PRKG2: variants seen among roughly 807,000 people sequenced by gnomAD.
PRKG2 encodes the protein protein kinase cGMP-dependent 2.
Under a neutral mutation model 97.2 loss-of-function variants are expected in PRKG2, and 33 were observed. That is an observed-to-expected ratio of 0.34 (90% CI 0.26 to 0.45). PRKG2 has a LOEUF of 0.45. Ranked by LOEUF, PRKG2 falls within the 20% of genes least tolerant of loss-of-function variation. The probability of loss-of-function intolerance (pLI) is 1.00; values close to 1 mark genes in which losing one functional copy is unlikely to be tolerated. For synonymous variants in PRKG2, 330 were observed against 321.8 expected, an observed-to-expected ratio of 1.03 and a Z score of -0.27; for missense variants, 638 against 900.0, an observed-to-expected ratio of 0.71 and a Z score of 3.73.
chr4:81,214,360 C>CT (rs1560635077), intron 1 of PRKG2, among the ~76,000 whole-genome samples: 3 of 151,936 alleles, frequency 2.0e-5, no homozygotes, highest in African/African-American at 7.3e-5. Context: ...GAACCTATTT[C>CT]TTTTTTTCTC....
At position 81,180,419 on chromosome 4, in the gene PRKG2, T is replaced by C. The variant is rs546135414; in HGVS notation, c.462-5460A>G. ...AGATACATGCCTTAAAGATAATGTA[T>C]GGAAAGGCTGAAAATAAAAAAGTGG... On this transcript the variant is annotated intron_variant, in intron 2 of 18. Transcript: ENST00000264399. Among the ~76,000 whole-genome samples the C allele has an allele frequency of 5.1e-4, 78 of 152,136 alleles. 1 individual carries two copies. The highest frequency in any genetic ancestry group is 1.8e-3 in the African/African-American group (74 of 41,526).
intron 2 of PRKG2, among the ~76,000 whole-genome samples, chr4:81,182,327 G>A (rs1751489062): frequency 6.6e-6 from 1 of 151,860 alleles, no homozygotes; most frequent in Non-Finnish European, 1.5e-5. Context: ...AGAGTATTTG[G>A]TAAAATTAAA....
upstream of PRKG2, among the ~76,000 whole-genome samples, chr4:81,215,610 G>T (rs985304766): frequency 3.3e-5 from 5 of 151,686 alleles, no homozygotes; most frequent in Admixed American, 2.6e-4. Context: ...CCCTCCCAGA[G>T]CTCAAACAGG....
chr4:81,114,325 A>G (rs1378326286), intron 14 of PRKG2, among the ~76,000 whole-genome samples: 4 of 151,928 alleles, frequency 2.6e-5, no homozygotes, highest in Non-Finnish European at 2.9e-5. Context: ...GTTTGGTGAA[A>G]AAAAAAAAAG....
At chr4:81,124,327 C>T (rs1014788903) in intron 14 of PRKG2, among the ~76,000 whole-genome samples, 1 of 152,076 alleles carries the variant, frequency 6.6e-6, no homozygotes. Flanking sequence ...CTTGGGATAA[C>T]TCTTAAGACT....
chr4:81,101,717 A>T (rs528513791), intron 17 of PRKG2, among the ~76,000 whole-genome samples: 206 of 94,604 alleles, frequency 2.2e-3, no homozygotes, highest in African/African-American at 0.021. Flanking sequence ...AAAATATAAT[A>T]AAAAAAAAGA....
chr4:81,117,098 T>C (rs538582207), intron 14 of PRKG2, among the ~76,000 whole-genome samples: 4 of 141,842 alleles, frequency 2.8e-5, no homozygotes, highest in Non-Finnish European at 6.0e-5. Context: ...GCTAAAGCAA[T>C]CCTCCCATCT....
chr4:81,171,651 C>G, intron 4 of PRKG2, 40 bp downstream of exon 4: 1 of 1,483,470 alleles, frequency 6.7e-7, no homozygotes, highest in Non-Finnish European at 9.3e-7. Flanking sequence ...CTTTAACATG[C>G]CACAACAATT....
At chr4:81,185,576 G>T (rs1751805290) in intron 2 of PRKG2, among the ~76,000 whole-genome samples, 1 of 152,060 alleles carries the variant, frequency 6.6e-6, no homozygotes, top group Non-Finnish European at 1.5e-5. Flanking sequence ...CAACTAATGG[G>T]CAAAATAACC....
At chr4:81,111,170 C>T (rs1743894901) in intron 14 of PRKG2, among the ~76,000 whole-genome samples, 1 of 152,158 alleles carries the variant, frequency 6.6e-6, no homozygotes, top group Non-Finnish European at 1.5e-5. Context: ...GCACCCTACA[C>T]ATTTTGGCAG....
chr4:81,182,188 G>A (rs527898138), intron 2 of PRKG2, among the ~76,000 whole-genome samples: 1 of 151,786 alleles, frequency 6.6e-6, no homozygotes, highest in East Asian at 1.9e-4. Context: ...CTAATGAATA[G>A]AGGGACAAAA....
Position 81,167,150 on chromosome 4 carries a change from A to G in PRKG2, c.912+11T>C. 6.4e-7 allele frequency: 1 copy of G among 1,552,468 alleles called. No individual in the cohort carries two copies. Among genetic ancestry groups the G allele is most frequent in the Middle Eastern group, 1.7e-4 (1 of 5,886 alleles). Reference sequence around the variant, plus strand: ...CTAATGAAATTTATTTTTTACTTCAAAATTTCTTACCACTTCCAAGCAGTC... The same window carrying G: ...CTAATGAAATTTATTTTTTACTTCAGAATTTCTTACCACTTCCAAGCAGTC... On this transcript the variant is annotated intron_variant, in intron 6 of 18. Transcript: ENST00000264399.
chr4:81,171,761 G>T lies in PRKG2; in HGVS notation c.672C>A (p.Ser224=). Residue 224 remains serine, a synonymous_variant, in exon 4 of 19, where the codon TCC becomes TCA. Transcript: ENST00000264399. ...EVFQGEKLLS[S]IPMWTTFGEL... The stretch of plus-strand genomic sequence containing the variant: ...CCCCAAATGTGGTCCACATAGGGAT[G>T]GAGGACAGCAATTTCTCCCCTTGGA... 1 of 1,611,520 alleles carries T rather than the reference G, an allele frequency of 6.2e-7. No homozygotes were observed. The highest frequency in any genetic ancestry group is 8.5e-7 in the Non-Finnish European group (1 of 1,178,774).
Position 81,105,801 on chromosome 4 carries a change from T to G in PRKG2, c.2063+12A>C. The G allele has an allele frequency of 6.2e-7, 1 of 1,613,522 alleles. No individual in the cohort carries two copies. Among genetic ancestry groups the G allele is most frequent in the South Asian group, 1.1e-5 (1 of 91,028 alleles). ...TTCTTCAAGACAAGGGGTTACTGAC[T>G]GTCATTCTCACCTGCAAAGCCTCCG... On this transcript the variant is annotated intron_variant, in intron 16 of 18. Coordinates refer to ENST00000264399, the MANE Select transcript of PRKG2 (RefSeq NM_006259.3).
Position 81,140,684 on chromosome 4 carries a change from G to T in PRKG2, c.1408-15C>A, listed in dbSNP as rs752737126. The T allele has an allele frequency of 6.3e-7, 1 of 1,588,204 alleles. No individual in the cohort carries two copies. The highest frequency in any genetic ancestry group is 1.7e-5 in the Admixed American group (1 of 59,900). Reference sequence around the variant, plus strand: ...TTTACTTTAACCTATGTAAGAAATGGAAAGATACCTCAAAATTAACTTATA... The same window carrying T: ...TTTACTTTAACCTATGTAAGAAATGTAAAGATACCTCAAAATTAACTTATA... On this transcript the variant is annotated splice_polypyrimidine_tract_variant and intron_variant, in intron 11 of 18. Transcript: ENST00000264399.
intron 2 of PRKG2, among the ~76,000 whole-genome samples, chr4:81,181,685 A>C (rs568578696): frequency 2.0e-5 from 3 of 150,554 alleles, no homozygotes; most frequent in South Asian, 2.1e-4. Flanking sequence ...AATAAGAAGA[A>C]GACATCACTA....
Position 81,203,344 on chromosome 4 carries a change from C to G in PRKG2, c.461+1243G>C, listed in dbSNP as rs185710990. ...TATTATAATTAATAATCTGGCATCA[C>G]TAACTTCCTTCACAAATATTTATTG... On this transcript the variant is annotated intron_variant, in intron 2 of 18. Coordinates refer to ENST00000264399, the MANE Select transcript of PRKG2 (RefSeq NM_006259.3). 5.5e-3 allele frequency among the ~76,000 whole-genome samples: 835 copies of G among 152,230 alleles called. 8 individuals are homozygous for G. The highest frequency in any genetic ancestry group is 0.034 in the Middle Eastern group (10 of 292).
intron 1 of PRKG2, among the ~76,000 whole-genome samples, chr4:81,207,523 G>GT (rs1196074488): frequency 6.6e-6 from 1 of 152,120 alleles, no homozygotes; most frequent in Non-Finnish European, 1.5e-5. Context: ...ACAGAAAACA[G>GT]TTTTAGCATT....
chr4:81,131,869 G>C (rs540771319), intron 14 of PRKG2, among the ~76,000 whole-genome samples: 116 of 152,148 alleles, frequency 7.6e-4, no homozygotes, highest in Middle Eastern at 3.4e-3. Flanking sequence ...GATATTGATA[G>C]TACACATTCT....
Sources: gnomAD v4.1 joint callset for allele counts (sites outside exome capture counted in the v4.1 genomes callset) on GRCh38, gnomAD v4.1.1 for gene constraint, MANE v1.5 for transcripts, NCBI Gene and HGNC (gene_info 2026-07-23, HGNC 2026-07-21) for gene names.